THADA: variants seen among roughly 807,000 people sequenced by gnomAD.
THADA encodes tRNA (32-2'-O)-methyltransferase regulator THADA.
THADA carries 213 observed loss-of-function variants against 219.8 expected under a neutral mutation model. The ratio of observed to expected loss-of-function variants is 0.97; its 90% CI spans 0.87 to 1.09. The LOEUF is 1.09. Among genes scored for constraint, THADA ranks in the 50% least tolerant of loss-of-function variants. The pLI is 0.00. For missense variants in THADA, 2,956 were observed against 2,311.3 expected (o/e 1.28, Z -5.72); for synonymous variants, 1,018 against 828.9 (o/e 1.23, Z -3.92).
At chr2:43,473,871 A>G (rs1198551985) in intron 26 of THADA, among the ~76,000 whole-genome samples, 1 of 152,168 alleles carries the variant, frequency 6.6e-6, no homozygotes, top group Non-Finnish European at 1.5e-5. Context: ...GGCCTCCCAG[A>G]TTACAGGGAT....
chr2:43,545,672 T>G (rs1409585021), intron 20 of THADA, among the ~76,000 whole-genome samples: 1 of 152,170 alleles, frequency 6.6e-6, no homozygotes, highest in Non-Finnish European at 1.5e-5. Context: ...GAAGTGTTTG[T>G]AGTATTCTCT....
Position 43,570,378 on chromosome 2 carries a change from T to C in THADA, c.2187+10A>G, listed in dbSNP as rs1424137756. ...AAAAAAACTCTCATGTTTAGAAATA[T>C]ATCACCTACCTTATACTGCTGTAAA... On this transcript the variant is annotated intron_variant, in intron 14 of 37. Transcript: ENST00000405975. 2.0e-5 allele frequency: 32 copies of C among 1,583,228 alleles called. No individual in the cohort carries two copies. Among genetic ancestry groups the C allele is most frequent in the Non-Finnish European group, 2.6e-5 (31 of 1,171,468 alleles).
chr2:43,528,134 T>TC (rs1693404527), intron 21 of THADA, 146 bp from the exon 22 acceptor site: 1 of 509,576 alleles, frequency 2.0e-6, no homozygotes, highest in African/African-American at 2.1e-5. Context: ...AGCTTTTTTT[T>TC]TTTTTTTTTT....
intron 22 of THADA, among the ~76,000 whole-genome samples, chr2:43,519,739 G>C (rs1441061344): frequency 6.6e-6 from 1 of 152,160 alleles, no homozygotes; most frequent in East Asian, 1.9e-4. Context: ...AATAATTAAG[G>C]AGCAACTAGT....
intron 28 of THADA, among the ~76,000 whole-genome samples, chr2:43,411,344 T>C (rs1419859691): frequency 6.6e-6 from 1 of 152,138 alleles, no homozygotes; most frequent in East Asian, 1.9e-4. Context: ...TTAAAAGAAA[T>C]TCAATTTTAT....
intron 25 of THADA, 138 bp downstream of exon 25, chr2:43,498,695 A>C (rs1688569806): frequency 1.0e-6 from 1 of 966,724 alleles, no homozygotes; most frequent in Admixed American, 3.3e-5. Flanking sequence ...TCAAAAATGT[A>C]GCTTGATCCA....
chr2:43,452,036 G>C (rs13423972), intron 26 of THADA, among the ~76,000 whole-genome samples: 1 of 151,924 alleles, frequency 6.6e-6, no homozygotes, highest in Non-Finnish European at 1.5e-5. Flanking sequence ...GAACCCAGGA[G>C]GTAGAGGTTG....
chr2:43,584,390 A>C (rs906904142), intron 7 of THADA, among the ~76,000 whole-genome samples: 1 of 152,162 alleles, frequency 6.6e-6, no homozygotes, highest in Non-Finnish European at 1.5e-5. Flanking sequence ...GGACATTATT[A>C]AGCAGTTCAA....
Position 43,592,041 on chromosome 2 carries a change from C to T in THADA, c.82G>A (p.Ala28Thr). Residue 28 changes from alanine (A) to threonine (T), a missense_variant, in exon 3 of 38, where the codon GCT (alanine) becomes ACT (threonine). Physicochemically the swap from Ala to Thr is moderately conservative, Grantham distance 58. Transcript: ENST00000405975. ...GCTAGATTTTTCCCTTCCACATCAG[C>T]AAAAGCTATATAACATATACAAAAA... ...HQDLETLKSF[A>T]DVEGKNLASL... 1 of 1,554,598 alleles carries T rather than the reference C, an allele frequency of 6.4e-7. No individual in the cohort carries two copies. The highest frequency in any genetic ancestry group is 2.3e-5 in the East Asian group (1 of 42,730).
At chr2:43,281,874 A>G (rs1673403869) in intron 35 of THADA, among the ~76,000 whole-genome samples, 1 of 152,134 alleles carries the variant, frequency 6.6e-6, no homozygotes, top group Non-Finnish European at 1.5e-5. Flanking sequence ...GGTTCAAGGA[A>G]TTCTCCTGCC....
chr2:43,360,643 T>C (rs912653197), intron 29 of THADA, among the ~76,000 whole-genome samples: 6 of 152,240 alleles, frequency 3.9e-5, no homozygotes, highest in African/African-American at 1.4e-4. Context: ...TAAGTTTATT[T>C]GTTGAGTCGA....
intron 26 of THADA, among the ~76,000 whole-genome samples, chr2:43,434,464 C>A (rs1371848836): frequency 3.9e-5 from 6 of 152,164 alleles, no homozygotes; most frequent in African/African-American, 1.4e-4. Context: ...CGCCATGCCC[C>A]CAACCTGTAC....
At chr2:43,563,409 T>C (rs2103955973) in intron 15 of THADA, 1 of 152,322 alleles carries the variant, frequency 6.6e-6, no homozygotes, top group South Asian at 2.1e-4. Flanking sequence ...ATATCCCCCT[T>C]ATCTTCTTGA....
chr2:43,238,333 C>T (rs1668277167), intron 36 of THADA, among the ~76,000 whole-genome samples: 1 of 151,972 alleles, frequency 6.6e-6, no homozygotes, highest in African/African-American at 2.4e-5. Flanking sequence ...ATCTAAACTA[C>T]ATAAAGAACT....
intron 8 of THADA, 114 bp from the exon 9 acceptor site, chr2:43,578,721 C>T (rs950298212): frequency 1.2e-5 from 7 of 568,672 alleles, no homozygotes; most frequent in African/African-American, 3.9e-5. Context: ...AGTCTGACCA[C>T]TTCCTGGGTG....
At chr2:43,390,272 A>G (rs777198464) in intron 29 of THADA, among the ~76,000 whole-genome samples, 2 of 152,036 alleles carry the variant, frequency 1.3e-5, no homozygotes, top group Non-Finnish European at 1.5e-5. Flanking sequence ...CGCTTTAGGG[A>G]GCTCTTAAGT....
At chr2:43,506,774 C>G (rs1179623680) in intron 23 of THADA, among the ~76,000 whole-genome samples, 1 of 152,160 alleles carries the variant, frequency 6.6e-6, no homozygotes, top group Non-Finnish European at 1.5e-5. Flanking sequence ...GTCACATTCC[C>G]AGACTCCCTT....
chr2:43,429,657 A>G (rs993214105), intron 27 of THADA, among the ~76,000 whole-genome samples: 1 of 152,060 alleles, frequency 6.6e-6, no homozygotes. Context: ...TAAAAATAGG[A>G]AGAAAATAAT....
At chr2:43,385,811 G>C (rs1462634101) in intron 29 of THADA, among the ~76,000 whole-genome samples, 3 of 151,538 alleles carry the variant, frequency 2.0e-5, no homozygotes, top group Admixed American at 6.6e-5. Flanking sequence ...GATAGAATTT[G>C]CTGGCACTTG....
Sources: gnomAD v4.1 joint callset for allele counts (sites outside exome capture counted in the v4.1 genomes callset) on GRCh38, gnomAD v4.1.1 for gene constraint, MANE v1.5 for transcripts, NCBI Gene and HGNC (gene_info 2026-07-23, HGNC 2026-07-21) for gene names.